SSBP3: variants seen among roughly 807,000 people sequenced by gnomAD.
SSBP3 encodes the protein single-stranded DNA-binding protein 3.
A neutral mutation model predicts 69.6 loss-of-function variants in SSBP3; 5 were observed. The ratio of observed to expected loss-of-function variants is 0.07; its 90% CI spans 0.04 to 0.15. The LOEUF is 0.15. Ranked by LOEUF, SSBP3 falls within the 10% of genes least tolerant of loss-of-function variation. The pLI is 1.00. For synonymous variants in SSBP3, 196 were observed against 193.4 expected (o/e 1.01, Z -0.11); for missense variants, 312 against 534.0 (o/e 0.58, Z 4.10).
At chr1:54,312,388 G>C (rs1190074718) in intron 4 of SSBP3, among the ~76,000 whole-genome samples, 1 of 151,810 alleles carries the variant, frequency 6.6e-6, no homozygotes, top group Admixed American at 6.6e-5. Flanking sequence ...TCAGGAGTTC[G>C]AGACCAGCCT....
chr1:54,262,468 C>G (rs1287574797), intron 5 of SSBP3, among the ~76,000 whole-genome samples: 1 of 152,216 alleles, frequency 6.6e-6, no homozygotes, highest in Admixed American at 6.5e-5. Flanking sequence ...CTTGGGAGAG[C>G]ACCGAGATGC....
intron 4 of SSBP3, chr1:54,286,763 G>GA: frequency 6.6e-6 from 1 of 152,380 alleles, no homozygotes; most frequent in Admixed American, 6.5e-5. Flanking sequence ...GCTTCCAAGA[G>GA]AAAGCGCCTT....
chr1:54,280,462 A>G (rs958489199), intron 5 of SSBP3, among the ~76,000 whole-genome samples: 1 of 152,134 alleles, frequency 6.6e-6, no homozygotes, highest in Non-Finnish European at 1.5e-5. Context: ...GTACAGAGGA[A>G]ATTTCTGCCT....
intron 4 of SSBP3, among the ~76,000 whole-genome samples, chr1:54,374,092 T>C (rs897930359): frequency 7.2e-5 from 11 of 152,234 alleles, no homozygotes; most frequent in Non-Finnish European, 1.5e-4. Context: ...CAATGGGCAC[T>C]GGCTGGAAGC....
At chr1:54,352,806 G>T (rs967426203) in intron 4 of SSBP3, among the ~76,000 whole-genome samples, 2 of 152,184 alleles carry the variant, frequency 1.3e-5, no homozygotes, top group African/African-American at 4.8e-5. Flanking sequence ...ACTTCAATCT[G>T]AGAGTAAACT....
chr1:54,291,145 G>A (rs1311508651), intron 4 of SSBP3, among the ~76,000 whole-genome samples: 2 of 137,306 alleles, frequency 1.5e-5, no homozygotes, highest in East Asian at 2.3e-4. Context: ...AAAACCACCC[G>A]CTTCTAGAAA....
chr1:54,296,563 C>G (rs1478428268), intron 4 of SSBP3, among the ~76,000 whole-genome samples: 1 of 152,210 alleles, frequency 6.6e-6, no homozygotes, highest in African/African-American at 2.4e-5. Flanking sequence ...GTCCATACAC[C>G]AGCGTCAAGG....
chr1:54,283,110 T>C (rs1442937305), intron 4 of SSBP3, among the ~76,000 whole-genome samples: 1 of 151,796 alleles, frequency 6.6e-6, no homozygotes, highest in African/African-American at 2.4e-5. Flanking sequence ...CAACTAAAAA[T>C]ACAAAAATTA....
chr1:54,228,299 C>T lies in SSBP3; in HGVS notation c.1093G>A (p.Gly365Ser), dbSNP rs553646788. ...TGGAGGAAGTTCCCTCCTAGCTCGCCGTCATCTCGAGGGGTGCCTGGAGGA... is the reference window on the plus strand; with the variant it reads ...TGGAGGAAGTTCCCTCCTAGCTCGCTGTCATCTCGAGGGGTGCCTGGAGGA... The change falls in exon 17 of 18, where the codon GGC (glycine) becomes AGC (serine). Residue 365 changes from glycine to serine, a missense_variant. This residue lies in a region of SSBP3 where 63 missense variants were observed against 137.2 expected (regional missense o/e 0.46). Coordinates refer to ENST00000610401, the Ensembl canonical transcript of SSBP3. 1.9e-5 allele frequency: 31 copies of T among 1,614,002 alleles called. No homozygotes were observed. The highest frequency in any genetic ancestry group is 1.8e-4 in the East Asian group (8 of 44,858).
At chr1:54,383,218 C>T (rs1570007044) in intron 4 of SSBP3, among the ~76,000 whole-genome samples, 1 of 145,512 alleles carries the variant, frequency 6.9e-6, no homozygotes, top group African/African-American at 2.5e-5. Flanking sequence ...TATTAGAATA[C>T]AAAAAAAAAA....
At position 54,316,656 on chromosome 1, in the gene SSBP3, A is replaced by AAT. The variant is rs1187252092; in HGVS notation, c.277-35130_277-35129insAT. Among the ~76,000 whole-genome samples the AAT allele has an allele frequency of 4.6e-4, 25 of 53,912 alleles. 1 individual carries two copies. The highest frequency in any genetic ancestry group is 1.4e-3 in the African/African-American group (13 of 9,238). 35.4% of individuals were successfully genotyped at this position (53,912 alleles called of 152,430 possible). A position where few individuals can be genotyped will look rare whatever the true frequency, so the allele number is the denominator to read the frequency against. ...GAGCGAGACTCCGTCTCAAAAAAAA[A>AAT]AAATAAAATAAATAAATAAATAAAT... On this transcript the variant is annotated intron_variant, in intron 4 of 17. Transcript: ENST00000610401.
chr1:54,346,763 C>T (rs910778579), intron 4 of SSBP3, among the ~76,000 whole-genome samples: 1 of 150,904 alleles, frequency 6.6e-6, no homozygotes, highest in East Asian at 1.9e-4. Flanking sequence ...TGCAGTGAGC[C>T]GAGATTGCAC....
At chr1:54,273,576 CA>C (rs1164205646) in intron 5 of SSBP3, among the ~76,000 whole-genome samples, 1 of 151,920 alleles carries the variant, frequency 6.6e-6, no homozygotes, top group Non-Finnish European at 1.5e-5. Context: ...TGTTGGCAAG[CA>C]AAAAAAGGCT....
chr1:54,411,069 A>C (rs1330378411), upstream of SSBP3, among the ~76,000 whole-genome samples: 1 of 152,262 alleles, frequency 6.6e-6, no homozygotes, highest in Admixed American at 6.5e-5. Context: ...TGTCATAGCA[A>C]AACAGGCTTC....
chr1:54,227,497 G>C (rs912472250), intron 17 of SSBP3, among the ~76,000 whole-genome samples: 1 of 152,222 alleles, frequency 6.6e-6, no homozygotes, highest in African/African-American at 2.4e-5. Context: ...GCCCAGTGCA[G>C]GCCTCCAGAC....
At chr1:54,323,820 G>A (rs1646256044) in intron 4 of SSBP3, among the ~76,000 whole-genome samples, 1 of 152,132 alleles carries the variant, frequency 6.6e-6, no homozygotes, top group African/African-American at 2.4e-5. Flanking sequence ...TGTGGTAGAG[G>A]GAGATAGGAA....
At chr1:54,375,086 GCTACCCGT>G (rs1647195851) in intron 4 of SSBP3, among the ~76,000 whole-genome samples, 1 of 152,262 alleles carries the variant, frequency 6.6e-6, no homozygotes, top group South Asian at 2.1e-4. Flanking sequence ...CCCTGCACAT[GCTACCCGT>G]CTTCTCCACT....
intron 1 of SSBP3, among the ~76,000 whole-genome samples, chr1:54,412,205 T>C (rs1470709951): frequency 1.3e-5 from 2 of 152,000 alleles, no homozygotes; most frequent in African/African-American, 4.8e-5. Flanking sequence ...GGCCTGTGCC[T>C]GTAGTCCCAG....
At chr1:54,290,106 G>A (rs1429243535) in intron 4 of SSBP3, among the ~76,000 whole-genome samples, 5 of 152,194 alleles carry the variant, frequency 3.3e-5, no homozygotes. Context: ...CACAGCCCCA[G>A]CTCTTGGCCA....
Sources: allele counts gnomAD v4.1 joint callset (sites outside exome capture counted in the v4.1 genomes callset), GRCh38; gene constraint gnomAD v4.1.1; regional missense constraint gnomAD v4.1.1; transcripts MANE v1.5; gene names NCBI Gene and HGNC (gene_info 2026-07-23, HGNC 2026-07-21).